Variants in BMPR1A observed in about 807,000 individuals in gnomAD.
BMPR1A encodes the protein bone morphogenetic protein receptor type 1A, also known as bone morphogenetic protein receptor type-1A.
BMPR1A carries 7 observed loss-of-function variants against 66.0 expected under a neutral mutation model. That is an observed-to-expected ratio of 0.11 (90% CI 0.06 to 0.20). The LOEUF (loss-of-function observed/expected upper bound fraction) is 0.20, where lower values mean the gene tolerates loss of function less well. BMPR1A is among the 10% of genes least tolerant of loss of function. The pLI is 1.00. For synonymous variants in BMPR1A, 200 were observed against 229.7 expected, an observed-to-expected ratio of 0.87 and a Z score of 1.17; for missense variants, 408 against 669.1, an observed-to-expected ratio of 0.61 and a Z score of 4.31.
intron 1 of BMPR1A, among the ~76,000 whole-genome samples, chr10:86,770,814 A>C (rs1841246163): frequency 6.6e-6 from 1 of 152,214 alleles, no homozygotes. Flanking sequence ...GACCAACCAC[A>C]ATTAGGGATA....
intron 1 of BMPR1A, among the ~76,000 whole-genome samples, chr10:86,767,035 G>A (rs569862342): frequency 1.3e-5 from 2 of 152,196 alleles, no homozygotes; most frequent in South Asian, 4.2e-4. Context: ...TGTTGGTCAG[G>A]ATGGTCTTGA....
intron 1 of BMPR1A, among the ~76,000 whole-genome samples, chr10:86,812,246 T>C (rs555446331): frequency 1.8e-4 from 27 of 152,288 alleles, no homozygotes; most frequent in African/African-American, 6.5e-4. Context: ...GCAACCTGTT[T>C]CCTGTCACTC....
chr10:86,870,893 A>T (rs1025813237), intron 2 of BMPR1A, among the ~76,000 whole-genome samples: 1 of 151,784 alleles, frequency 6.6e-6, no homozygotes, highest in Non-Finnish European at 1.5e-5. Flanking sequence ...TGCTTTTGCT[A>T]TTATCCCCTC....
intron 1 of BMPR1A, among the ~76,000 whole-genome samples, chr10:86,802,074 G>A (rs1413189982): frequency 2.6e-5 from 4 of 152,066 alleles, no homozygotes; most frequent in Non-Finnish European, 5.9e-5. Flanking sequence ...ATTTTTGTCT[G>A]CGTCGTTGAG....
chr10:86,779,167 C>A (rs1841399226), intron 1 of BMPR1A, among the ~76,000 whole-genome samples: 1 of 152,102 alleles, frequency 6.6e-6, no homozygotes, highest in South Asian at 2.1e-4. Context: ...TTGTCTAACC[C>A]ATATCTAGGC....
At chr10:86,757,417 C>T (rs1166246537) in intron 1 of BMPR1A, among the ~76,000 whole-genome samples, 1 of 152,304 alleles carries the variant, frequency 6.6e-6, no homozygotes, top group African/African-American at 2.4e-5. Flanking sequence ...AGCTGCTTCA[C>T]CTGTTGTCCT....
intron 3 of BMPR1A, among the ~76,000 whole-genome samples, chr10:86,884,292 C>CCCAGGCTG (rs748296354): frequency 3.0e-4 from 45 of 150,690 alleles, no homozygotes; most frequent in Admixed American, 7.3e-4. Flanking sequence ...CAGCATGTTT[C>CCCAGGCTG]CCAGGCTGGT....
intron 5 of BMPR1A, among the ~76,000 whole-genome samples, chr10:86,898,415 T>C (rs1286088975): frequency 6.6e-6 from 1 of 152,128 alleles, no homozygotes; most frequent in Non-Finnish European, 1.5e-5. Flanking sequence ...TTCATCTTCC[T>C]GGGATATAAT....
chr10:86,756,378 C>T (rs1367641040), upstream of BMPR1A: 1 of 152,030 alleles, frequency 6.6e-6, no homozygotes, highest in Non-Finnish European at 1.5e-5. Context: ...AGCTCGGCGC[C>T]CCCTTGCCGG....
intron 1 of BMPR1A, among the ~76,000 whole-genome samples, chr10:86,831,673 A>G (rs1225261688): frequency 1.3e-5 from 2 of 152,180 alleles, no homozygotes; most frequent in Non-Finnish European, 2.9e-5. Context: ...CTGAGGTGGG[A>G]GGATCACTTG....
intron 8 of BMPR1A, among the ~76,000 whole-genome samples, chr10:86,914,210 A>G (rs1342351357): frequency 6.6e-6 from 1 of 152,172 alleles, no homozygotes. Context: ...GAATCCATTT[A>G]CCAAGAAGTT....
rs4029467 is a variant in BMPR1A, at chr10:86,799,469, T to TCTTCCTTCCTTCCTTC, written c.-267-39372_-267-39357dup. 3.0e-3 allele frequency among the ~76,000 whole-genome samples: 367 copies of TCTTCCTTCCTTCCTTC among 120,984 alleles called. 5 individuals carry two copies. Among genetic ancestry groups the TCTTCCTTCCTTCCTTC allele is most frequent in the African/African-American group, 9.6e-3 (331 of 34,340 alleles). The allele number at this position is 120,984 out of a possible 152,430, so 79.4% of individuals were successfully genotyped here. Reference sequence around the variant, plus strand: ...TGTACATTTTCTTTCTTCCTTCCTTTCTTCCTTCCTTCCTTCCTTCCTTCC... The same window carrying TCTTCCTTCCTTCCTTC: ...TGTACATTTTCTTTCTTCCTTCCTTTCTTCCTTCCTTCCTTCCTTCCTTCCTTCCTTCCTTCCTTCC... On this transcript the variant is annotated intron_variant, in intron 1 of 12. Transcript: ENST00000372037.
rs1589763313 is a variant in BMPR1A at position 86,890,086 on chromosome 10, A to G, written c.92A>G (p.His31Arg). 1 of 1,613,438 alleles carries G rather than the reference A, an allele frequency of 6.2e-7. No individual in the cohort carries two copies. Among genetic ancestry groups the G allele is most frequent in the Non-Finnish European group, 8.5e-7 (1 of 1,180,008 alleles). ...GGACAGAATCTGGATAGTATGCTTC[A>G]TGGCACTGGGATGAAATCAGACTCC... ...VQGQNLDSML[H>R]GTGMKSDSDQ... Residue 31 changes from histidine (H) to arginine (R), a missense_variant, in exon 4 of 13, where the codon CAT becomes CGT. By Grantham distance (29) the His-to-Arg change is conservative. Coordinates refer to ENST00000372037, the MANE Select transcript of BMPR1A (RefSeq NM_004329.3).
rs549547482 is a variant in BMPR1A, at chr10:86,814,623, A to G, written c.-267-24242A>G. Among the ~76,000 whole-genome samples, 232 of 151,918 alleles carry G rather than the reference A, an allele frequency of 1.5e-3. 6 individuals are homozygous for G. The South Asian group carries it at 0.046, about 30-fold the overall frequency. The stretch of plus-strand genomic sequence containing the variant: ...TTCTTCTGTTCTGATGTTGTTTTTC[A>G]TGCTTTATATAATTTTCTTAATGTT... On this transcript the variant is annotated intron_variant, in intron 1 of 12. Coordinates refer to ENST00000372037, the MANE Select transcript of BMPR1A (RefSeq NM_004329.3).
At chr10:86,928,303 A>T (rs1388687023), downstream of BMPR1A, 3 of 149,372 alleles carry the variant, frequency 2.0e-5, no homozygotes, top group African/African-American at 7.5e-5. Flanking sequence ...GCTCACTGCA[A>T]CCTTTGCCTC....
At position 86,899,829 on chromosome 10, in the gene BMPR1A, A is replaced by G. The variant is rs750999795; in HGVS notation, c.369A>G (p.Glu123=). The change falls in exon 6 of 13, where the codon GAA becomes GAG. Residue 123 remains glutamate (E), a synonymous_variant. Transcript: ENST00000372037. ...AAGCCCAGCTACGCCGGACAATAGAATGTTGTCGGACCAATTTATGTAACC... is the reference window on the plus strand; with the variant it reads ...AAGCCCAGCTACGCCGGACAATAGAGTGTTGTCGGACCAATTTATGTAACC... The part of the protein sequence containing the change: ...SPKAQLRRTI[E]CCRTNLCNQY... 1 of 1,614,208 alleles carries G rather than the reference A, an allele frequency of 6.2e-7. No individual in the cohort carries two copies. Among genetic ancestry groups the G allele is most frequent in the Non-Finnish European group, 8.5e-7 (1 of 1,180,022 alleles).
chr10:86,826,358 A>G (rs1034949235), intron 1 of BMPR1A, among the ~76,000 whole-genome samples: 8 of 152,052 alleles, frequency 5.3e-5, no homozygotes, highest in African/African-American at 1.4e-4. Flanking sequence ...AAATATATCT[A>G]TATCTATAGA....
At chr10:86,866,900 C>T (rs1400619715) in intron 2 of BMPR1A, among the ~76,000 whole-genome samples, 1 of 152,162 alleles carries the variant, frequency 6.6e-6, no homozygotes, top group East Asian at 1.9e-4. Flanking sequence ...TATCTTTTCT[C>T]TGTAAGTAGG....
At chr10:86,892,358 AT>A (rs1843164540) in intron 5 of BMPR1A, 129 bp downstream of exon 5, 2 of 701,306 alleles carry the variant, frequency 2.9e-6, no homozygotes, top group East Asian at 5.5e-5. Flanking sequence ...TATTGGAGGA[AT>A]ACCTACTGTC....
Sources: allele counts gnomAD v4.1 joint callset (sites outside exome capture counted in the v4.1 genomes callset), GRCh38; gene constraint gnomAD v4.1.1; transcripts MANE v1.5; gene names NCBI Gene and HGNC (gene_info 2026-07-23, HGNC 2026-07-21).